HECW2: variants seen among roughly 807,000 people sequenced by gnomAD.
HECW2 encodes E3 ubiquitin-protein ligase HECW2.
HECW2 carries 61 observed loss-of-function variants against 175.2 expected under a neutral mutation model. That is an observed-to-expected ratio of 0.35 (90% CI 0.28 to 0.43). The LOEUF is 0.43. Among genes scored for constraint, HECW2 ranks in the 20% least tolerant of loss-of-function variants. The pLI is 1.00. For synonymous variants in HECW2, 671 were observed against 731.0 expected (o/e 0.92, Z 1.32); for missense variants, 1,524 against 2,000.5 (o/e 0.76, Z 4.54).
intron 1 of HECW2, among the ~76,000 whole-genome samples, chr2:196,504,920 G>C (rs888584226): frequency 5.9e-5 from 9 of 151,876 alleles, no homozygotes; most frequent in African/African-American, 1.9e-4. Context: ...GATTAAGCAA[G>C]GTACTCAAGA....
At chr2:196,374,565 T>C (rs1016415273) in intron 2 of HECW2, among the ~76,000 whole-genome samples, 1 of 152,354 alleles carries the variant, frequency 6.6e-6, no homozygotes, top group East Asian at 1.9e-4. Flanking sequence ...CTTATCTTTC[T>C]ACATCCTCTG....
intron 27 of HECW2, among the ~76,000 whole-genome samples, chr2:196,216,241 C>T (rs1687470476): frequency 6.6e-6 from 1 of 152,190 alleles, no homozygotes; most frequent in Admixed American, 6.5e-5. Flanking sequence ...AGCTGACCAG[C>T]TCAGAAGCTT....
chr2:196,547,459 ACT>A (rs1689463112), intron 1 of HECW2, among the ~76,000 whole-genome samples: 1 of 152,178 alleles, frequency 6.6e-6, no homozygotes, highest in African/African-American at 2.4e-5. Context: ...AAAGTCATAG[ACT>A]CTATCAAACT....
intron 2 of HECW2, among the ~76,000 whole-genome samples, chr2:196,374,085 T>C (rs1050988137): frequency 6.6e-6 from 1 of 152,040 alleles, no homozygotes; most frequent in South Asian, 2.1e-4. Context: ...CCAAAGATTA[T>C]ATAAATTCAA....
At position 196,209,762 on chromosome 2, in the gene HECW2, TTTC is replaced by T. The variant is rs1224300858; in HGVS notation, c.4607+6100_4607+6102del. On this transcript the variant is annotated intron_variant, in intron 28 of 28. Transcript: ENST00000644978. ...TGTTCTGATGGTTTTTCTTTCTTTC[TTTC>T]TTTTTTTTTTTTTTTTGAGACGGAG... Among the ~76,000 whole-genome samples the T allele has an allele frequency of 2.5e-3, 339 of 134,826 alleles. 5 individuals are homozygous for T. The highest frequency in any genetic ancestry group is 9.2e-3 in the African/African-American group (324 of 35,238). 88.5% of individuals were successfully genotyped at this position (134,826 alleles called of 152,430 possible).
chr2:196,448,393 C>T (rs1696247783), intron 1 of HECW2, among the ~76,000 whole-genome samples: 1 of 152,198 alleles, frequency 6.6e-6, no homozygotes, highest in African/African-American at 2.4e-5. Flanking sequence ...CAGCTGAGAC[C>T]TACTCTGAGG....
At chr2:196,559,178 C>A (rs562730211) in intron 1 of HECW2, among the ~76,000 whole-genome samples, 1 of 152,308 alleles carries the variant, frequency 6.6e-6, no homozygotes, top group South Asian at 2.1e-4. Flanking sequence ...CATACTGATG[C>A]CCTCTGCCAG....
intron 21 of HECW2, among the ~76,000 whole-genome samples, chr2:196,231,295 A>G (rs766658489): frequency 2.0e-5 from 3 of 152,208 alleles, no homozygotes; most frequent in Non-Finnish European, 4.4e-5. Context: ...CTTGTATCAC[A>G]TGAAAACTGC....
chr2:196,370,546 A>G (rs1485546781), intron 2 of HECW2, among the ~76,000 whole-genome samples: 1 of 152,164 alleles, frequency 6.6e-6, no homozygotes, highest in Non-Finnish European at 1.5e-5. Context: ...TCACTAGGTC[A>G]CAAGCCCCCA....
intron 17 of HECW2, among the ~76,000 whole-genome samples, chr2:196,268,026 T>C (rs563182787): frequency 2.6e-5 from 4 of 152,184 alleles, no homozygotes; most frequent in Admixed American, 6.5e-5. Flanking sequence ...TTATCAAAAA[T>C]ATCATTGAAA....
chr2:196,240,787 C>T (rs1192486801), intron 20 of HECW2, among the ~76,000 whole-genome samples: 1 of 151,446 alleles, frequency 6.6e-6, no homozygotes, highest in Non-Finnish European at 1.5e-5. Context: ...TACCTATGAC[C>T]AGTGTAAACA....
intron 2 of HECW2, among the ~76,000 whole-genome samples, chr2:196,366,406 A>C (rs1693745894): frequency 6.6e-6 from 1 of 152,242 alleles, no homozygotes; most frequent in African/African-American, 2.4e-5. Context: ...CATTCAAGCC[A>C]AAATATCAGC....
chr2:196,319,840 G>A lies in HECW2; in HGVS notation c.1050C>T (p.Ser350=), dbSNP rs768805975. The A allele has an allele frequency of 1.2e-6, 2 of 1,614,002 alleles. No homozygotes were observed. Among genetic ancestry groups the A allele is most frequent in the South Asian group, 1.1e-5 (1 of 91,088 alleles). The change falls in exon 9 of 29, where the codon AGC becomes AGT. Residue 350 remains serine, a synonymous_variant. Transcript: ENST00000644978. ...CTGGCATGTCCTCGTCATCGGAAGG[G>A]CTACCTAAGTCTCCATTCACAGAAT... ...GVNSVNGDLG[S]PSDDEDMPGS...
At chr2:196,521,247 T>C (rs1392522010) in intron 1 of HECW2, among the ~76,000 whole-genome samples, 2 of 146,016 alleles carry the variant, frequency 1.4e-5, no homozygotes, top group African/African-American at 5.1e-5. Context: ...CTGCAGTCTT[T>C]CTTGTATTTC....
intron 1 of HECW2, among the ~76,000 whole-genome samples, chr2:196,511,223 T>C (rs748491695): frequency 5.7e-4 from 87 of 152,332 alleles, no homozygotes; most frequent in Admixed American, 1.8e-3. Context: ...GATAATCATA[T>C]AGGTACAATA....
chr2:196,476,480 T>C (rs1686625404), intron 1 of HECW2, among the ~76,000 whole-genome samples: 2 of 149,770 alleles, frequency 1.3e-5, no homozygotes, highest in Non-Finnish European at 3.0e-5. Context: ...ATGGCACATC[T>C]ATCAAGTTGT....
chr2:196,257,122 G>A (rs180843323), intron 18 of HECW2, among the ~76,000 whole-genome samples: 5 of 152,304 alleles, frequency 3.3e-5, no homozygotes, highest in East Asian at 3.9e-4. Context: ...AGGGATGAGC[G>A]TCCCAACCAC....
intron 28 of HECW2, among the ~76,000 whole-genome samples, chr2:196,211,867 G>T (rs948445993): frequency 6.6e-6 from 1 of 152,106 alleles, no homozygotes; most frequent in African/African-American, 2.4e-5. Flanking sequence ...TTTTGAGACA[G>T]AGTCTTGCTC....
chr2:196,222,225 C>G lies in HECW2; in HGVS notation c.4132G>C (p.Glu1378Gln), dbSNP rs1687695479. Reference sequence around the variant, plus strand: ...GATACACACACCTGCCCAAATACTTCTTCGTTCACAGTGAACGTGAGGTCT... The same window carrying G: ...GATACACACACCTGCCCAAATACTTGTTCGTTCACAGTGAACGTGAGGTCT... ...ILDLTFTVNE[E>Q]VFGQITEREL... The change falls in exon 24 of 29, where the codon GAA becomes CAA. Residue 1378 changes from glutamate to glutamine, a missense_variant. Coordinates refer to ENST00000644978, the MANE Select transcript of HECW2 (RefSeq NM_001348768.2). 1 of 1,613,502 alleles carries G rather than the reference C, an allele frequency of 6.2e-7. No homozygotes were observed. Among genetic ancestry groups the G allele is most frequent in the Non-Finnish European group, 8.5e-7 (1 of 1,179,742 alleles).
Sources: allele counts gnomAD v4.1 joint callset (sites outside exome capture counted in the v4.1 genomes callset), GRCh38; gene constraint gnomAD v4.1.1; transcripts MANE v1.5; gene names NCBI Gene and HGNC (gene_info 2026-07-23, HGNC 2026-07-21).